The following TMEM67 variants were observed in gnomAD, a reference collection of about 807,000 sequenced individuals.
TMEM67 encodes the protein meckelin.
In TMEM67, 124 loss-of-function variants were observed where a neutral mutation model predicts 136.6. The observed-to-expected ratio is 0.91, with a 90% CI of 0.78 to 1.05. The LOEUF is 1.05. Ranked by LOEUF, TMEM67 falls within the 50% of genes least tolerant of loss-of-function variation. TMEM67 has a pLI of 0.00. For missense variants in TMEM67, 1,107 were observed against 1,178.4 expected, an observed-to-expected ratio of 0.94 and a Z score of 0.89; for synonymous variants, 364 against 390.5, an observed-to-expected ratio of 0.93 and a Z score of 0.80.
intron 9 of TMEM67, 63 bp downstream of exon 9, chr8:93,781,045 A>G: frequency 1.7e-6 from 2 of 1,147,738 alleles, no homozygotes; most frequent in Non-Finnish European, 1.3e-6. Context: ...AAAAGGTAAT[A>G]AAGTTACAAT....
chr8:93,809,866 GA>G lies in TMEM67; in HGVS notation c.2749del (p.Ser917AlafsTer43). 1 of 1,604,702 alleles carries G rather than the reference GA, an allele frequency of 6.2e-7. No individual in the cohort carries two copies. Among genetic ancestry groups the G allele is most frequent in the Non-Finnish European group, 8.5e-7 (1 of 1,172,550 alleles). On this transcript the variant is annotated frameshift_variant, in exon 26 of 28. Coordinates refer to ENST00000453321, the MANE Select transcript of TMEM67 (RefSeq NM_153704.6). LOFTEE classifies it high-confidence loss of function. The stretch of plus-strand genomic sequence containing the variant: ...TGGAATGGAATTCATGGAACCAATG[GA>G]AAAAAGCATCTTTTACAATGGTATC... ...ILGMEFMEPM[E>X]KSIFYNDEGY...
chr8:93,795,300 G>T, intron 16 of TMEM67, 109 bp from the exon 17 acceptor site: 2 of 915,738 alleles, frequency 2.2e-6, no homozygotes, highest in Non-Finnish European at 3.6e-6. Flanking sequence ...GTGAAACAAG[G>T]CTTCAGGCTT....
At chr8:93,818,128 C>G (rs190176192), downstream of TMEM67, 3 of 152,078 alleles carry the variant, frequency 2.0e-5, no homozygotes, top group Admixed American at 2.0e-4. Flanking sequence ...CATACACTGT[C>G]GACTCCTTTG....
chr8:93,804,689 T>A, intron 22 of TMEM67, 73 bp from the exon 23 acceptor site: 2 of 832,592 alleles, frequency 2.4e-6, no homozygotes, highest in South Asian at 2.9e-5. Context: ...AGAAAGCAAT[T>A]TTAAGGAAAA....
intron 23 of TMEM67, 128 bp downstream of exon 23, chr8:93,805,006 T>A: frequency 1.6e-6 from 1 of 621,652 alleles, no homozygotes; most frequent in Non-Finnish European, 2.9e-6. Context: ...GGAGTCTCCC[T>A]CTGTCACCCA....
intron 11 of TMEM67, among the ~76,000 whole-genome samples, chr8:93,784,577 C>T (rs751187612): frequency 9.2e-5 from 14 of 152,166 alleles, no homozygotes; most frequent in Non-Finnish European, 1.6e-4. Flanking sequence ...GTACAAGGTA[C>T]TGATTCCTGG....
intron 8 of TMEM67, 34 bp downstream of exon 8, chr8:93,780,781 G>T (rs1482902975): frequency 6.2e-7 from 1 of 1,612,150 alleles, no homozygotes; most frequent in Non-Finnish European, 8.5e-7. Context: ...ATGTTATTTT[G>T]ACTGAATTCA....
In TMEM67 at chr8:93,786,286, G is replaced by A. The variant is rs75165625; in HGVS notation, c.1352G>A (p.Arg451Gln). The change falls in exon 13 of 28, where the codon CGA becomes CAA. Residue 451 changes from arginine to glutamine, a missense_variant. Around this residue, in one of 3 missense-constraint regions of TMEM67, gnomAD observed 925 missense variants for 1,002.4 expected, o/e 0.92. Transcript: ENST00000453321. ...RIFLVDAVSG[R>Q]ENDLGTQPRV... ...TTCTTAGTGGATGCAGTAAGTGGAC[G>A]AGAAAATGACTTAGGAACTCAGCCA... 6.4e-5 allele frequency: 104 copies of A among 1,613,826 alleles called. No homozygotes were observed. Among genetic ancestry groups the A allele is most frequent in the South Asian group, 9.9e-5 (9 of 91,076 alleles).
At chr8:93,782,635 G>T (rs1323161617) in intron 11 of TMEM67, among the ~76,000 whole-genome samples, 175 bp downstream of exon 11, 2 of 146,140 alleles carry the variant, frequency 1.4e-5, no homozygotes, top group Non-Finnish European at 3.0e-5. Context: ...GTGCAGTGGT[G>T]CAATCTCAGT....
chr8:93,759,820 A>T lies in TMEM67; in HGVS notation c.406+1244A>T, dbSNP rs756787142. On this transcript the variant is annotated intron_variant, in intron 3 of 27. Coordinates refer to ENST00000453321, the MANE Select transcript of TMEM67 (RefSeq NM_153704.6). ...TGTGCCACCACACCTGGCTAATTTT[A>T]TATTTTTAGTGGCTAACAGGGTTTC... 8 of 489,002 alleles carry T rather than the reference A, an allele frequency of 1.6e-5. No homozygotes were observed. The Middle Eastern group carries it at 1.2e-3, about 76-fold the overall frequency. 30.3% of individuals were successfully genotyped at this position (489,002 alleles called of 1,614,324 possible).
chr8:93,826,886 A>G, the TMEM67 span, among the ~76,000 whole-genome samples: 1 of 151,966 alleles, frequency 6.6e-6, no homozygotes, highest in East Asian at 1.9e-4. Flanking sequence ...CTGGAGTGCA[A>G]TGGTGCAATC....
the TMEM67 span, among the ~76,000 whole-genome samples, chr8:93,826,907 G>A: frequency 7.2e-5 from 11 of 152,070 alleles, no homozygotes; most frequent in African/African-American, 1.7e-4. Context: ...TCGGCTCACC[G>A]CAACCTCTGC....
chr8:93,761,350 A>T (rs2130562051), intron 3 of TMEM67, among the ~76,000 whole-genome samples: 1 of 152,356 alleles, frequency 6.6e-6, no homozygotes, highest in South Asian at 2.1e-4. Flanking sequence ...ATAAGGATAC[A>T]GGGAAATAGT....
chr8:93,814,515 C>T (rs1808830263), intron 26 of TMEM67, among the ~76,000 whole-genome samples: 1 of 150,182 alleles, frequency 6.7e-6, no homozygotes, highest in Non-Finnish European at 1.5e-5. Flanking sequence ...GGCTAGAGTG[C>T]AGTGGTGCAA....
At chr8:93,766,255 A>T (rs1199348352) in intron 6 of TMEM67, among the ~76,000 whole-genome samples, 1 of 151,916 alleles carries the variant, frequency 6.6e-6, no homozygotes, top group Non-Finnish European at 1.5e-5. Context: ...AGTAGCTGGG[A>T]TTACAGGCAC....
chr8:93,780,494 C>T lies in TMEM67; in HGVS notation c.715-99C>T. ...CAGACCGGAGCTGTTCCTACTCGGCCATCTTGGAACAGACCTGCACAAAGT... is the reference window on the plus strand; with the variant it reads ...CAGACCGGAGCTGTTCCTACTCGGCTATCTTGGAACAGACCTGCACAAAGT... On this transcript the variant is annotated intron_variant, in intron 7 of 27. Coordinates refer to ENST00000453321, the MANE Select transcript of TMEM67 (RefSeq NM_153704.6). 4 of 1,347,444 alleles carry T rather than the reference C, an allele frequency of 3.0e-6. No individual in the cohort carries two copies. In the South Asian group the frequency reaches 3.5e-5, roughly 12 times the overall value. 83.5% of individuals were successfully genotyped at this position (1,347,444 alleles called of 1,614,324 possible). A position where few individuals can be genotyped will look rare whatever the true frequency, so the allele number is the denominator to read the frequency against.
intron 26 of TMEM67, 117 bp from the exon 27 acceptor site, chr8:93,815,188 A>G (rs1808858557): frequency 3.0e-6 from 2 of 656,420 alleles, no homozygotes; most frequent in East Asian, 2.8e-5. Flanking sequence ...GAAGTATTGT[A>G]TACAGTATGT....
chr8:93,819,804 T>C (rs529213011), downstream of TMEM67, among the ~76,000 whole-genome samples: 1 of 152,292 alleles, frequency 6.6e-6, no homozygotes, highest in East Asian at 1.9e-4. Flanking sequence ...TTAAAAGTTG[T>C]CTGTATAAGA....
At chr8:93,794,397 C>G (rs1026365345) in intron 16 of TMEM67, among the ~76,000 whole-genome samples, 1 of 152,132 alleles carries the variant, frequency 6.6e-6, no homozygotes, top group Non-Finnish European at 1.5e-5. Context: ...GTACCAGGCA[C>G]TTTTTAAAGC....
Sources: gnomAD v4.1 joint callset for allele counts (sites outside exome capture counted in the v4.1 genomes callset) on GRCh38, gnomAD v4.1.1 for gene constraint, gnomAD v4.1.1 regional missense constraint, MANE v1.5 for transcripts, NCBI Gene and HGNC (gene_info 2026-07-23, HGNC 2026-07-21) for gene names.